Variants in CDKL2 observed in about 807,000 individuals in gnomAD.
CDKL2 encodes the protein cyclin dependent kinase like 2.
CDKL2 carries 64 observed loss-of-function variants against 63.9 expected under a neutral mutation model. That is an observed-to-expected ratio of 1.00 (90% CI 0.82 to 1.23). The LOEUF is 1.23. CDKL2 is among the 50% of genes most tolerant of loss of function. The pLI is 0.00. For synonymous variants in CDKL2, 211 were observed against 229.2 expected (o/e 0.92, Z 0.72); for missense variants, 656 against 668.0 (o/e 0.98, Z 0.20).
chr4:75,621,692 C>T (rs987590204), intron 2 of CDKL2, among the ~76,000 whole-genome samples: 1 of 152,114 alleles, frequency 6.6e-6, no homozygotes. Context: ...CACGCTATCG[C>T]ACCGAGCTTG....
chr4:75,625,798 A>T, intron 2 of CDKL2, 23 bp downstream of exon 2: 2 of 1,556,006 alleles, frequency 1.3e-6, no homozygotes, highest in African/African-American at 1.4e-5. Context: ...ATATTTTTTG[A>T]TTCAATATAT....
chr4:75,583,017 C>T (rs1728325699), intron 12 of CDKL2, among the ~76,000 whole-genome samples: 3 of 152,162 alleles, frequency 2.0e-5, no homozygotes, highest in Non-Finnish European at 4.4e-5. Context: ...ACATTTGTCA[C>T]CGTCAGACCT....
In CDKL2 at chr4:75,597,114, A is replaced by C; in HGVS notation, c.1143T>G (p.Ser381Arg). The change falls in exon 9 of 14, where the codon AGT (serine) becomes AGG (arginine). Residue 381 changes from serine (S) to arginine (R), a missense_variant. Ser to Arg is a moderately radical substitution (Grantham distance 110). Transcript: ENST00000307465. ...GCACTATTTTGTTGTGGCTTGTCCT[A>C]CTGTCATGGAGACAGCTGGCATTTG... is the stretch of plus-strand genomic sequence containing the variant. ...RASNASCLHD[S>R]RTSHNKIVPS... 6.2e-7 allele frequency: 1 copy of C among 1,614,052 alleles called. No homozygotes were observed. The highest frequency in any genetic ancestry group is 8.5e-7 in the Non-Finnish European group (1 of 1,179,992).
At chr4:75,584,569 G>A (rs775542715) in intron 12 of CDKL2, among the ~76,000 whole-genome samples, 1 of 152,172 alleles carries the variant, frequency 6.6e-6, no homozygotes, top group Non-Finnish European at 1.5e-5. Flanking sequence ...TTAATTTAGT[G>A]TGTTAAGTAG....
intron 3 of CDKL2, among the ~76,000 whole-genome samples, chr4:75,612,687 C>A (rs1160007630): frequency 6.6e-6 from 1 of 152,208 alleles, no homozygotes; most frequent in Non-Finnish European, 1.5e-5. Flanking sequence ...GCAAATCCAA[C>A]ATTATTGTTA....
At position 75,586,316 on chromosome 4, in the gene CDKL2, C is replaced by T. The variant is rs545743997; in HGVS notation, c.1648-4418G>A. Among the ~76,000 whole-genome samples, 4 of 152,076 alleles carry T rather than the reference C, an allele frequency of 2.6e-5. No homozygotes were observed. The South Asian group carries it at 6.2e-4, about 24-fold the overall frequency. On this transcript the variant is annotated intron_variant, in intron 12 of 13. Coordinates refer to ENST00000307465, the MANE Select transcript of CDKL2 (RefSeq NM_001330724.2). ...TCTTGGCTCACTGCAAGCTCTGCCT[C>T]CCAGGTTCACATCAATCTCCTGCCT...
Position 75,626,015 on chromosome 4 carries a change from T to A in CDKL2, c.-27A>T. The A allele has an allele frequency of 6.3e-7, 1 of 1,595,796 alleles. No homozygotes were observed. Among genetic ancestry groups the A allele is most frequent in the Non-Finnish European group, 8.5e-7 (1 of 1,174,732 alleles). On this transcript the variant is annotated splice_region_variant and 5_prime_UTR_variant, in exon 2 of 14. Coordinates refer to ENST00000307465, the MANE Select transcript of CDKL2 (RefSeq NM_001330724.2). ...TTAATTTAAAGTCCGTAGAAACTTT[T>A]TGCTGTGAAAACCAAAACATAGATT...
intron 10 of CDKL2, chr4:75,595,972 GGAAA>G (rs201271140): frequency 0.4 from 93,542 of 234,234 alleles, 18,895 homozygotes; most frequent in East Asian, 0.79. Context: ...AAGGAAGGAA[GGAAA>G]GAAGGAAGGA....
intron 12 of CDKL2, among the ~76,000 whole-genome samples, chr4:75,586,227 C>CTT (rs61087984): frequency 6.9e-6 from 1 of 145,232 alleles, no homozygotes; most frequent in Non-Finnish European, 1.5e-5. Flanking sequence ...ACTAACCTTT[C>CTT]TTTTTTTTTT....
In CDKL2 at chr4:75,577,366, C is replaced by T. The variant is rs1224845569; in HGVS notation, c.*1836G>A. The stretch of plus-strand genomic sequence containing the variant: ...CAGAATCTTTTTCTAGTAGTTCTGC[C>T]ACAGTTCTAATCAGATATGATCCTC... On this transcript the variant is annotated 3_prime_UTR_variant, in exon 14 of 14. Transcript: ENST00000307465. Among the ~76,000 whole-genome samples, 1 of 152,046 alleles carries T rather than the reference C, an allele frequency of 6.6e-6. No individual in the cohort carries two copies. Among genetic ancestry groups the T allele is most frequent in the Non-Finnish European group, 1.5e-5 (1 of 68,004 alleles).
intron 10 of CDKL2, among the ~76,000 whole-genome samples, chr4:75,593,528 T>TACCTCTTCCAAAGAAGAATAAATC (rs1452402750): frequency 6.6e-6 from 1 of 152,076 alleles, no homozygotes; most frequent in Non-Finnish European, 1.5e-5. Flanking sequence ...AAGAATAAAT[T>TACCTCTTCCAAAGAAGAATAAATC]ACCTCTTCCA....
chr4:75,621,607 C>G (rs1056557601), intron 2 of CDKL2, among the ~76,000 whole-genome samples: 1 of 151,940 alleles, frequency 6.6e-6, no homozygotes, highest in Admixed American at 6.6e-5. Context: ...ATGATCATAG[C>G]ACACCACAGT....
Position 75,596,469 on chromosome 4 carries a change from ACAATG to A in CDKL2, c.1323-134_1323-130del, listed in dbSNP as rs1437312133. ...GAGTGTAATGTCTATTCTCAAATAT[ACAATG>A]CACATAAATCTGGTGAAACATTCTA... On this transcript the variant is annotated intron_variant, in intron 9 of 13. Coordinates refer to ENST00000307465, the MANE Select transcript of CDKL2 (RefSeq NM_001330724.2). The A allele has an allele frequency of 7.8e-6, 5 of 641,288 alleles. No homozygotes were observed. The Admixed American group carries it at 1.3e-4, about 16-fold the overall frequency. The allele number at this position is 641,288 out of a possible 1,614,324, so 39.7% of individuals were successfully genotyped here. A position where few individuals can be genotyped will look rare whatever the true frequency, so the allele number is the denominator to read the frequency against.
intron 3 of CDKL2, among the ~76,000 whole-genome samples, chr4:75,608,448 T>C (rs1293141069): frequency 6.6e-6 from 1 of 151,890 alleles, no homozygotes; most frequent in East Asian, 1.9e-4. Context: ...TTCTAGAGTA[T>C]AGGTTGTGTG....
At chr4:75,612,329 A>C (rs1193891334) in intron 3 of CDKL2, among the ~76,000 whole-genome samples, 1 of 152,202 alleles carries the variant, frequency 6.6e-6, no homozygotes, top group Non-Finnish European at 1.5e-5. Context: ...CTTGACTCTA[A>C]ACTGCCTGGA....
chr4:75,622,715 C>CAAA lies in CDKL2; in HGVS notation c.168+3103_168+3105dup, dbSNP rs1171964321. On this transcript the variant is annotated intron_variant, in intron 2 of 13. Coordinates refer to ENST00000307465, the MANE Select transcript of CDKL2 (RefSeq NM_001330724.2). ...CCTGGGTGACAGAGCAAGACTCCAT[C>CAAA]AAAAAAAAAAAAAAAAAAAAAAAAA... Among the ~76,000 whole-genome samples, 83 of 13,960 alleles carry CAAA rather than the reference C, an allele frequency of 5.9e-3. 26 individuals carry two copies. The highest frequency in any genetic ancestry group is 0.011 in the South Asian group (1 of 88). The allele number at this position is 13,960 out of a possible 152,430, so 9.2% of individuals were successfully genotyped here. A position where few individuals can be genotyped will look rare whatever the true frequency, so the allele number is the denominator to read the frequency against.
intron 10 of CDKL2, among the ~76,000 whole-genome samples, chr4:75,594,173 C>T (rs1248200657): frequency 6.6e-6 from 1 of 151,866 alleles, no homozygotes; most frequent in East Asian, 1.9e-4. Context: ...TTAGGCCAGC[C>T]CTGGTGGCTC....
At chr4:75,594,033 A>G (rs574876849) in intron 10 of CDKL2, among the ~76,000 whole-genome samples, 49 of 152,328 alleles carry the variant, frequency 3.2e-4, no homozygotes, top group African/African-American at 1.1e-3. Context: ...TTAAAGGACA[A>G]TACCTCTCTC....
intron 6 of CDKL2, among the ~76,000 whole-genome samples, chr4:75,603,503 G>C (rs1336368797): frequency 8.6e-5 from 13 of 150,406 alleles, no homozygotes; most frequent in Middle Eastern, 3.4e-3. Context: ...GGCCGAGGCG[G>C]GCGGATCACG....
Sources: gnomAD v4.1 joint callset for allele counts (sites outside exome capture counted in the v4.1 genomes callset) on GRCh38, gnomAD v4.1.1 for gene constraint, MANE v1.5 for transcripts, NCBI Gene and HGNC (gene_info 2026-07-23, HGNC 2026-07-21) for gene names.